Variants in SLC39A11 observed in about 807,000 individuals in gnomAD.
The protein encoded by SLC39A11 is solute carrier family 39 member 11, also known as zinc transporter ZIP11.
A neutral mutation model predicts 36.1 loss-of-function variants in SLC39A11; 33 were observed. The observed-to-expected ratio is 0.91, with a 90% CI of 0.69 to 1.22. The LOEUF (loss-of-function observed/expected upper bound fraction) is 1.22, where lower values mean the gene tolerates loss of function less well. Ranked by LOEUF, SLC39A11 falls within the 50% of genes most tolerant of loss-of-function variation. The pLI is 0.00. For synonymous variants in SLC39A11, 166 were observed against 170.3 expected (o/e 0.97, Z 0.20); for missense variants, 432 against 430.3 (o/e 1.00, Z -0.03).
intron 4 of SLC39A11, among the ~76,000 whole-genome samples, chr17:73,021,160 T>C (rs1293070905): frequency 6.6e-6 from 1 of 151,980 alleles, no homozygotes; most frequent in Non-Finnish European, 1.5e-5. Flanking sequence ...GCATCAACAC[T>C]ACCAGCACCA....
At chr17:72,678,672 T>C (rs2071383063) in intron 7 of SLC39A11, among the ~76,000 whole-genome samples, 1 of 151,634 alleles carries the variant, frequency 6.6e-6, no homozygotes, top group African/African-American at 2.4e-5. Flanking sequence ...GCCACTGCAC[T>C]CCAGCCTGGA....
At chr17:73,024,828 C>A (rs1198627715) in intron 4 of SLC39A11, among the ~76,000 whole-genome samples, 1 of 149,186 alleles carries the variant, frequency 6.7e-6, no homozygotes, top group Non-Finnish European at 1.5e-5. Context: ...CTCCTGAGTA[C>A]CTGGGATTAC....
Position 72,998,637 on chromosome 17 carries a change from G to A in SLC39A11, c.306+32919C>T, listed in dbSNP as rs74981375. ...GAATGAGGAAAAGGGAAGAAGACTG[G>A]CAGCCTAGAAGGGAACACTGCAAAA... On this transcript the variant is annotated intron_variant, in intron 4 of 9. Transcript: ENST00000255559. Among the ~76,000 whole-genome samples the A allele has an allele frequency of 6.3e-3, 963 of 152,296 alleles. 16 individuals are homozygous for A. The highest frequency in any genetic ancestry group is 0.024 in the Middle Eastern group (7 of 294).
intron 3 of SLC39A11, among the ~76,000 whole-genome samples, chr17:73,047,212 G>GTTTT (rs2059326597): frequency 6.6e-6 from 1 of 151,776 alleles, no homozygotes; most frequent in African/African-American, 2.4e-5. Context: ...TTTTAGCACA[G>GTTTT]ATGGGGTTGC....
chr17:72,982,273 G>C (rs1161689365), intron 4 of SLC39A11, among the ~76,000 whole-genome samples: 5 of 152,106 alleles, frequency 3.3e-5, no homozygotes, highest in Admixed American at 3.3e-4. Flanking sequence ...TTCTGTAAAA[G>C]GGAAAATTCA....
chr17:72,757,424 A>C (rs971336399), intron 6 of SLC39A11, among the ~76,000 whole-genome samples: 2 of 152,104 alleles, frequency 1.3e-5, no homozygotes, highest in Admixed American at 6.5e-5. Flanking sequence ...GGTGGTGGGA[A>C]AGGTGGGCGC....
At chr17:73,009,092 G>A (rs553953544) in intron 4 of SLC39A11, among the ~76,000 whole-genome samples, 59 of 146,834 alleles carry the variant, frequency 4.0e-4, no homozygotes, top group Non-Finnish European at 7.7e-4. Context: ...AGGGGGGCGG[G>A]GTGGCTCACG....
At chr17:72,812,477 A>G (rs1337915062) in intron 6 of SLC39A11, among the ~76,000 whole-genome samples, 1 of 152,266 alleles carries the variant, frequency 6.6e-6, no homozygotes, top group Non-Finnish European at 1.5e-5. Flanking sequence ...TGCAAAAGAA[A>G]TGGTTAGCCA....
At chr17:72,792,431 A>G (rs2145093861) in intron 6 of SLC39A11, among the ~76,000 whole-genome samples, 1 of 152,238 alleles carries the variant, frequency 6.6e-6, no homozygotes, top group South Asian at 2.1e-4. Context: ...AGCCTTTCCT[A>G]CTGGGTGGGA....
intron 3 of SLC39A11, among the ~76,000 whole-genome samples, chr17:73,078,940 TACACAC>T (rs34182605): frequency 5.8e-4 from 87 of 151,216 alleles, no homozygotes; most frequent in Non-Finnish European, 5.0e-4. Context: ...TGTTACATTT[TACACAC>T]ACACACACAC....
chr17:72,656,698 C>T (rs1020246628), intron 7 of SLC39A11, among the ~76,000 whole-genome samples: 4 of 152,092 alleles, frequency 2.6e-5, no homozygotes, highest in Non-Finnish European at 4.4e-5. Context: ...GGCATCCAGA[C>T]TTCTCTTTTC....
intron 6 of SLC39A11, among the ~76,000 whole-genome samples, chr17:72,794,254 T>C (rs2076814482): frequency 1.3e-5 from 2 of 151,864 alleles, no homozygotes; most frequent in South Asian, 2.1e-4. Context: ...AGTCCATGAG[T>C]ACAAATCACC....
chr17:72,873,008 C>T (rs985947119), intron 5 of SLC39A11, among the ~76,000 whole-genome samples: 2 of 148,378 alleles, frequency 1.3e-5, no homozygotes, highest in African/African-American at 2.5e-5. Context: ...GAGCCGAGAT[C>T]GCGCCACTGC....
chr17:72,980,435 T>C (rs530566564), intron 4 of SLC39A11, among the ~76,000 whole-genome samples: 1 of 152,332 alleles, frequency 6.6e-6, no homozygotes, highest in East Asian at 1.9e-4. Context: ...AGCTTTGTTC[T>C]TAGGCAGAAA....
chr17:72,694,062 CAGAGGAAGAAGA>C (rs2072169410), intron 7 of SLC39A11, among the ~76,000 whole-genome samples: 1 of 152,114 alleles, frequency 6.6e-6, no homozygotes, highest in African/African-American at 2.4e-5. Flanking sequence ...GAGGGAGTCC[CAGAGGAAGAAGA>C]GGAGGAAGAT....
intron 4 of SLC39A11, among the ~76,000 whole-genome samples, chr17:73,013,717 A>G (rs1055307828): frequency 3.3e-5 from 5 of 151,746 alleles, no homozygotes; most frequent in Non-Finnish European, 7.4e-5. Flanking sequence ...CTCATCAGCT[A>G]TCGTTAGTAT....
chr17:72,709,248 CT>C (rs1567970213), intron 7 of SLC39A11, among the ~76,000 whole-genome samples: 1 of 152,152 alleles, frequency 6.6e-6, no homozygotes, highest in African/African-American at 2.4e-5. Flanking sequence ...AAGCCTTTTT[CT>C]TTTTAAACTC....
chr17:72,657,512 C>A (rs932345351), intron 7 of SLC39A11, among the ~76,000 whole-genome samples: 1 of 152,186 alleles, frequency 6.6e-6, no homozygotes, highest in African/African-American at 2.4e-5. Context: ...CAATGGTTTA[C>A]CTCATTAGAA....
intron 7 of SLC39A11, among the ~76,000 whole-genome samples, chr17:72,681,910 C>G (rs1291868053): frequency 3.3e-5 from 5 of 152,186 alleles, no homozygotes; most frequent in African/African-American, 1.2e-4. Flanking sequence ...GGCCACAGAC[C>G]TGACCTGGTC....
Sources: allele counts gnomAD v4.1 joint callset (sites outside exome capture counted in the v4.1 genomes callset), GRCh38; gene constraint gnomAD v4.1.1; transcripts MANE v1.5; gene names NCBI Gene and HGNC (gene_info 2026-07-23, HGNC 2026-07-21).